The following SCN11A variants were observed in gnomAD, a reference collection of about 807,000 sequenced individuals.
The protein encoded by SCN11A is sodium voltage-gated channel alpha subunit 11.
A neutral mutation model predicts 162.2 loss-of-function variants in SCN11A; 122 were observed. That is an observed-to-expected ratio of 0.75 (90% confidence interval 0.65 to 0.87). The LOEUF (loss-of-function observed/expected upper bound fraction) is 0.87, where lower values mean the gene tolerates loss of function less well. Among genes scored for constraint, SCN11A ranks in the 40% least tolerant of loss-of-function variants. The pLI, the probability that SCN11A is intolerant of heterozygous loss-of-function variation, is 0.00. For missense variants in SCN11A, 2,015 were observed against 2,181.6 expected, an observed-to-expected ratio of 0.92 and a Z score of 1.52; for synonymous variants, 758 against 751.5, an observed-to-expected ratio of 1.01 and a Z score of -0.14.
At chr3:39,043,565 G>C (rs993037170) in intron 1 of SCN11A, among the ~76,000 whole-genome samples, 3 of 148,660 alleles carry the variant, frequency 2.0e-5, no homozygotes, top group Non-Finnish European at 4.4e-5. Flanking sequence ...AGCGAAATAA[G>C]CCAGGCACAG....
intron 6 of SCN11A, among the ~76,000 whole-genome samples, chr3:38,945,985 G>C (rs2066511298): frequency 6.6e-6 from 1 of 152,114 alleles, no homozygotes; most frequent in Admixed American, 6.5e-5. Flanking sequence ...GTTATTCATT[G>C]CCATTCTCCT....
chr3:38,852,458 G>A (rs937233134), intron 28 of SCN11A, among the ~76,000 whole-genome samples: 1 of 152,110 alleles, frequency 6.6e-6, no homozygotes, highest in Non-Finnish European at 1.5e-5. Flanking sequence ...GAGATTAAGA[G>A]CATAAATTAC....
chr3:38,996,977 T>A (rs1256809530), intron 2 of SCN11A, among the ~76,000 whole-genome samples: 1 of 152,106 alleles, frequency 6.6e-6, no homozygotes. Flanking sequence ...TCCTCCTGGG[T>A]TTACATGACC....
chr3:38,875,930 T>C (rs1188318082), intron 23 of SCN11A, among the ~76,000 whole-genome samples: 3 of 152,004 alleles, frequency 2.0e-5, no homozygotes, highest in African/African-American at 7.2e-5. Context: ...AGAACAAATC[T>C]GGAGACATCA....
rs550046605 is a variant in SCN11A, at chr3:38,968,638, G to A, written c.-279-8215C>T. Among the ~76,000 whole-genome samples the A allele has an allele frequency of 3.2e-4, 48 of 152,086 alleles. No individual in the cohort carries two copies. The Middle Eastern group carries it at 0.01, about 32-fold the overall frequency. Reference sequence around the variant, plus strand: ...CACATATGCTTACACATGTGCACACGCATACATATATGCAAACACATGCAC... The same window carrying A: ...CACATATGCTTACACATGTGCACACACATACATATATGCAAACACATGCAC... On this transcript the variant is annotated intron_variant, in intron 2 of 29. Transcript: ENST00000302328.
intron 1 of SCN11A, among the ~76,000 whole-genome samples, chr3:39,034,470 G>T (rs567545208): frequency 2.6e-5 from 4 of 152,238 alleles, no homozygotes; most frequent in Non-Finnish European, 5.9e-5. Context: ...CACAGTAAAA[G>T]CCATATACAA....
At chr3:38,879,607 A>G (rs757927674) in intron 23 of SCN11A, among the ~76,000 whole-genome samples, 11 of 152,192 alleles carry the variant, frequency 7.2e-5, no homozygotes, top group Non-Finnish European at 1.5e-4. Context: ...CTTGAAAAGA[A>G]ATAGAAAGTT....
intron 11 of SCN11A, among the ~76,000 whole-genome samples, chr3:38,912,727 T>A (rs1225276791): frequency 6.6e-6 from 1 of 152,276 alleles, no homozygotes; most frequent in East Asian, 1.9e-4. Flanking sequence ...GAACATGCAG[T>A]ATTTGGTTTT....
chr3:38,986,019 C>T (rs1302632544), intron 2 of SCN11A, among the ~76,000 whole-genome samples: 1 of 151,066 alleles, frequency 6.6e-6, no homozygotes, highest in Non-Finnish European at 1.5e-5. Context: ...GGGACCTTTC[C>T]ACAGTCTGTT....
At chr3:38,885,656 C>T (rs2065385868) in intron 20 of SCN11A, among the ~76,000 whole-genome samples, 1 of 152,148 alleles carries the variant, frequency 6.6e-6, no homozygotes. Flanking sequence ...GATACAGTAC[C>T]TCCACGTTTT....
chr3:38,860,357 A>G (rs2064943851), intron 28 of SCN11A, among the ~76,000 whole-genome samples: 1 of 151,940 alleles, frequency 6.6e-6, no homozygotes, highest in Non-Finnish European at 1.5e-5. Flanking sequence ...ACACTAAAAG[A>G]TAGAGAAAGA....
At chr3:38,907,923 T>C (rs1364373707) in intron 14 of SCN11A, 26 bp downstream of exon 14, 1 of 1,573,362 alleles carries the variant, frequency 6.4e-7, no homozygotes. Flanking sequence ...CAATATGGTA[T>C]CATTAATTCC....
chr3:39,049,432 G>A (rs74483493), intron 1 of SCN11A, among the ~76,000 whole-genome samples: 5,385 of 152,314 alleles, frequency 0.035, 305 homozygotes, highest in African/African-American at 0.12. Context: ...TGGTGTCAGC[G>A]GAAGTACAGT....
At position 38,863,252 on chromosome 3, in the gene SCN11A, A is replaced by G. The variant is rs1205698859; in HGVS notation, c.3999T>C (p.Tyr1333=). 6 of 1,608,738 alleles carry G rather than the reference A, an allele frequency of 3.7e-6. No homozygotes were observed. Among genetic ancestry groups the G allele is most frequent in the Non-Finnish European group, 4.3e-6 (5 of 1,175,682 alleles). The change falls in exon 28 of 30, where the codon TAT becomes TAC. Residue 1333 remains tyrosine, a synonymous_variant. Transcript: ENST00000302328. ...IFMTEEQKKY[Y]NAMKKLGSKK... ...TGGATCCTAATTTTTTCATTGCATTATAGTATTTCTTCTGTTCTTCTGTCA... is the reference window on the plus strand; with the variant it reads ...TGGATCCTAATTTTTTCATTGCATTGTAGTATTTCTTCTGTTCTTCTGTCA...
chr3:39,028,198 A>G (rs1461127176), intron 2 of SCN11A, among the ~76,000 whole-genome samples: 1 of 152,188 alleles, frequency 6.6e-6, no homozygotes, highest in Non-Finnish European at 1.5e-5. Context: ...ACCCCAGACC[A>G]CCCATCTGGT....
At chr3:38,967,997 G>A (rs2066793402) in intron 2 of SCN11A, among the ~76,000 whole-genome samples, 2 of 152,198 alleles carry the variant, frequency 1.3e-5, no homozygotes, top group Admixed American at 1.3e-4. Context: ...ACCCTAGCTA[G>A]TATAAGCATA....
chr3:39,012,966 C>T (rs2031187860), intron 2 of SCN11A, among the ~76,000 whole-genome samples: 1 of 152,154 alleles, frequency 6.6e-6, no homozygotes, highest in Admixed American at 6.5e-5. Context: ...TTCATTTCTA[C>T]AGTTTCTACT....
chr3:38,946,421 C>T (rs1489762008), intron 6 of SCN11A, among the ~76,000 whole-genome samples: 1 of 151,882 alleles, frequency 6.6e-6, no homozygotes, highest in African/African-American at 2.4e-5. Context: ...ATTATCAACT[C>T]AATATACTGC....
chr3:39,015,413 A>G (rs979787711), intron 2 of SCN11A, among the ~76,000 whole-genome samples: 1 of 152,188 alleles, frequency 6.6e-6, no homozygotes. Context: ...CTATACACAA[A>G]CCCACTGAGT....
Sources: allele counts gnomAD v4.1 joint callset (sites outside exome capture counted in the v4.1 genomes callset), GRCh38; gene constraint gnomAD v4.1.1; transcripts MANE v1.5; gene names NCBI Gene and HGNC (gene_info 2026-07-23, HGNC 2026-07-21).